The following ANO6 variants were observed in gnomAD, a reference collection of about 807,000 sequenced individuals.
The protein encoded by ANO6 is anoctamin-6.
ANO6 carries 106 observed loss-of-function variants against 117.5 expected under a neutral mutation model. The observed-to-expected ratio is 0.90, with a 90% confidence interval of 0.77 to 1.06. ANO6 has a LOEUF of 1.06. ANO6 is among the 50% of genes least tolerant of loss of function. ANO6 has a pLI of 0.00. For synonymous variants in ANO6, 367 were observed against 385.1 expected (o/e 0.95, Z 0.55); for missense variants, 955 against 1,121.1 (o/e 0.85, Z 2.12).
intron 7 of ANO6, among the ~76,000 whole-genome samples, chr12:45,352,531 A>G (rs2137460304): frequency 6.8e-6 from 1 of 146,878 alleles, no homozygotes; most frequent in South Asian, 2.3e-4. Context: ...GTTCAAGGCC[A>G]GACTGAGCAG....
At chr12:45,383,404 T>A (rs2137561617) in intron 10 of ANO6, 1 of 152,558 alleles carries the variant, frequency 6.6e-6, no homozygotes, top group Non-Finnish European at 1.5e-5. Context: ...CATCTTCACC[T>A]CCTCCCATGA....
At chr12:45,434,573 T>C (rs1943686113), downstream of ANO6, among the ~76,000 whole-genome samples, 1 of 152,134 alleles carries the variant, frequency 6.6e-6, no homozygotes, top group Non-Finnish European at 1.5e-5. Context: ...AGGACTGGGA[T>C]AGAAGAGGAA....
rs765401822 is a variant in ANO6 at position 45,390,474 on chromosome 12, C to T, written c.1362C>T (p.Leu454=). 13 of 1,613,738 alleles carry T rather than the reference C, an allele frequency of 8.1e-6. No individual in the cohort carries two copies. Among genetic ancestry groups the T allele is most frequent in the Non-Finnish European group, 1.1e-5 (13 of 1,179,882 alleles). The change falls in exon 12 of 20, where the codon CTC becomes CTT. Residue 454 remains leucine, a synonymous_variant. Coordinates refer to ENST00000320560, the MANE Select transcript of ANO6 (RefSeq NM_001025356.3). ...GGGGAAAATGTATACGGATAACCCT[C>T]TGTGCCAGTGCTGTCTTTTTCTGGG... ...TAWGKCIRIT[L]CASAVFFWIL... is the part of the protein sequence containing the mutation.
intron 3 of ANO6, 65 bp from the exon 4 acceptor site, chr12:45,346,957 A>G: frequency 6.8e-7 from 1 of 1,473,572 alleles, no homozygotes; most frequent in East Asian, 2.3e-5. Flanking sequence ...TATTGTTTTA[A>G]AAAATGCCTT....
intron 19 of ANO6, among the ~76,000 whole-genome samples, chr12:45,437,912 T>C (rs1943726105): frequency 6.6e-6 from 1 of 152,112 alleles, no homozygotes; most frequent in Non-Finnish European, 1.5e-5. Flanking sequence ...AACCACTGCT[T>C]TATAAAAATT....
chr12:45,343,575 T>G, intron 3 of ANO6, among the ~76,000 whole-genome samples: 1 of 152,208 alleles, frequency 6.6e-6, no homozygotes, highest in East Asian at 1.9e-4. Flanking sequence ...TTCCCTAGTT[T>G]GCAACCACTC....
At chr12:45,387,438 G>A (rs554253588) in intron 10 of ANO6, among the ~76,000 whole-genome samples, 21 of 152,246 alleles carry the variant, frequency 1.4e-4, no homozygotes, top group East Asian at 1.9e-4. Context: ...ATGAGGGCAC[G>A]GGGAAAAGCA....
chr12:45,400,606 A>G (rs574979636), intron 12 of ANO6, among the ~76,000 whole-genome samples: 72 of 152,348 alleles, frequency 4.7e-4, no homozygotes, highest in Non-Finnish European at 8.7e-4. Context: ...TACCTGAAGT[A>G]ACTCATTGAA....
intron 1 of ANO6, among the ~76,000 whole-genome samples, chr12:45,239,963 TA>T (rs1442658310): frequency 6.6e-6 from 1 of 152,206 alleles, no homozygotes; most frequent in East Asian, 1.9e-4. Flanking sequence ...AATTTTAGTA[TA>T]AGTGCTATAT....
intron 2 of ANO6, chr12:45,313,252 G>A (rs1025357473): frequency 2.0e-5 from 3 of 151,988 alleles, no homozygotes; most frequent in Non-Finnish European, 4.4e-5. Context: ...ATGGACTCCA[G>A]GGAATTAGAA....
At chr12:45,362,904 G>T (rs1941591300) in intron 8 of ANO6, among the ~76,000 whole-genome samples, 1 of 151,978 alleles carries the variant, frequency 6.6e-6, no homozygotes, top group East Asian at 1.9e-4. Flanking sequence ...TTGTTGCTTT[G>T]TGTCTTTTAA....
chr12:45,331,719 A>C (rs190481118), intron 3 of ANO6, among the ~76,000 whole-genome samples: 1 of 152,228 alleles, frequency 6.6e-6, no homozygotes, highest in East Asian at 1.9e-4. Flanking sequence ...ATGCCTGGCT[A>C]TTCAATTAGG....
chr12:45,228,123 G>GTTTTTTT, intron 1 of ANO6: 5 of 283,224 alleles, frequency 1.8e-5, no homozygotes, highest in South Asian at 2.2e-5. Flanking sequence ...TTTTTGTGTT[G>GTTTTTTT]TTTTTTTTTT....
At chr12:45,227,837 G>A (rs1032006278) in intron 1 of ANO6, among the ~76,000 whole-genome samples, 8 of 152,230 alleles carry the variant, frequency 5.3e-5, no homozygotes, top group Non-Finnish European at 1.0e-4. Flanking sequence ...GCAGACACAT[G>A]CATTTAAAGA....
intron 2 of ANO6, among the ~76,000 whole-genome samples, chr12:45,325,927 G>T (rs17095723): frequency 0.017 from 2,624 of 152,210 alleles, 52 homozygotes; most frequent in East Asian, 0.084. Flanking sequence ...GACATTTAAG[G>T]AAGTTTTATT....
chr12:45,246,450 C>T (rs1032463899), intron 1 of ANO6, among the ~76,000 whole-genome samples: 1 of 151,946 alleles, frequency 6.6e-6, no homozygotes, highest in African/African-American at 2.4e-5. Flanking sequence ...TTGCTAACTG[C>T]GAGGAAAGAG....
At position 45,396,566 on chromosome 12, in the gene ANO6, G is replaced by A. The variant is rs9804810; in HGVS notation, c.1387-5229G>A. Among the ~76,000 whole-genome samples the A allele has an allele frequency of 9.7e-3, 1,478 of 152,216 alleles. 26 individuals are homozygous for A. Among genetic ancestry groups the A allele is most frequent in the African/African-American group, 0.034 (1,417 of 41,534 alleles). ...AAAAGAAAAAAGCTGGATGCATCAC[G>A]CTACCTGACTTCAAACTATACTACA... On this transcript the variant is annotated intron_variant, in intron 12 of 19. Transcript: ENST00000320560.
intron 2 of ANO6, among the ~76,000 whole-genome samples, chr12:45,307,203 T>G (rs1320725006): frequency 6.6e-6 from 1 of 152,084 alleles, no homozygotes; most frequent in African/African-American, 2.4e-5. Context: ...CCTGTTTTCA[T>G]AGGATCCCTT....
Position 45,308,048 on chromosome 12 carries a change from A to ATTTTTTTTTT in ANO6, c.150+5970_150+5979dup, listed in dbSNP as rs1218638312. Among the ~76,000 whole-genome samples, 642 of 69,300 alleles carry ATTTTTTTTTT rather than the reference A, an allele frequency of 9.3e-3. 132 individuals carry two copies. The highest frequency in any genetic ancestry group is 0.019 in the Admixed American group (80 of 4,198). The allele number at this position is 69,300 out of a possible 152,430, so 45.5% of individuals were successfully genotyped here. On this transcript the variant is annotated intron_variant, in intron 2 of 19. Coordinates refer to ENST00000320560, the MANE Select transcript of ANO6 (RefSeq NM_001025356.3). Reference sequence around the variant, plus strand: ...GTGTGTGTCTGTGTGTGTGTGTGTAATTTTTTTTTTTTTTTTTTTTTTTTG... The same window carrying ATTTTTTTTTT: ...GTGTGTGTCTGTGTGTGTGTGTGTAATTTTTTTTTTTTTTTTTTTTTTTTTTTTTTTTTTG...
Sources: gnomAD v4.1 joint callset for allele counts (sites outside exome capture counted in the v4.1 genomes callset) on GRCh38, gnomAD v4.1.1 for gene constraint, MANE v1.5 for transcripts, NCBI Gene and HGNC (gene_info 2026-07-23, HGNC 2026-07-21) for gene names.